Variants in LAMA2 observed in about 807,000 individuals in gnomAD.
LAMA2 encodes the protein laminin subunit alpha 2.
LAMA2 carries 269 observed loss-of-function variants against 364.8 expected under a neutral mutation model. That is an observed-to-expected ratio of 0.74 (90% confidence interval 0.67 to 0.82). The LOEUF (loss-of-function observed/expected upper bound fraction) is 0.82, where lower values mean the gene tolerates loss of function less well. Among genes scored for constraint, LAMA2 ranks in the 40% least tolerant of loss-of-function variants. LAMA2 has a pLI of 0.00. For missense variants in LAMA2, 3,807 were observed against 3,873.2 expected, an observed-to-expected ratio of 0.98 and a Z score of 0.45; for synonymous variants, 1,379 against 1,370.6, an observed-to-expected ratio of 1.01 and a Z score of -0.14.
intron 1 of LAMA2, among the ~76,000 whole-genome samples, chr6:128,942,548 G>T (rs959373638): frequency 1.3e-5 from 2 of 152,086 alleles, no homozygotes; most frequent in African/African-American, 4.8e-5. Context: ...AAAAGTATTT[G>T]TATGTGGGTC....
chr6:128,897,469 T>C (rs1251159462), intron 1 of LAMA2, among the ~76,000 whole-genome samples: 1 of 152,226 alleles, frequency 6.6e-6, no homozygotes, highest in Non-Finnish European at 1.5e-5. Flanking sequence ...GTGCTTTTTT[T>C]CTCTTTGTTG....
chr6:128,910,022 G>A (rs1474833089), intron 1 of LAMA2, among the ~76,000 whole-genome samples: 1 of 152,020 alleles, frequency 6.6e-6, no homozygotes, highest in South Asian at 2.1e-4. Context: ...AGTCTGATGG[G>A]CTTCCCTTCC....
chr6:129,403,691 A>G lies in LAMA2; in HGVS notation c.5727-130A>G. ...GGACAATATAATAAGTAGATACTTCACTATTATTTGGAATTGTCATAGATA... is the reference window on the plus strand; with the variant it reads ...GGACAATATAATAAGTAGATACTTCGCTATTATTTGGAATTGTCATAGATA... On this transcript the variant is annotated intron_variant, in intron 39 of 64. Transcript: ENST00000421865. 5 of 818,392 alleles carry G rather than the reference A, an allele frequency of 6.1e-6. No individual in the cohort carries two copies. The South Asian group carries it at 7.1e-5, about 12-fold the overall frequency. The allele number at this position is 818,392 out of a possible 1,614,324, so 50.7% of individuals were successfully genotyped here. A position where few individuals can be genotyped will look rare whatever the true frequency, so the allele number is the denominator to read the frequency against.
intron 33 of LAMA2, among the ~76,000 whole-genome samples, chr6:129,368,499 T>C (rs1339706420): frequency 6.6e-6 from 1 of 152,208 alleles, no homozygotes; most frequent in African/African-American, 2.4e-5. Flanking sequence ...ATGAAAAGAA[T>C]GCCGATCAGT....
At chr6:128,970,668 A>G (rs920165450) in intron 1 of LAMA2, among the ~76,000 whole-genome samples, 18 of 152,354 alleles carry the variant, frequency 1.2e-4, no homozygotes, top group African/African-American at 4.3e-4. Context: ...GTGGAAAATC[A>G]TATTCTAACT....
At chr6:129,269,989 T>G (rs1787805825) in intron 16 of LAMA2, among the ~76,000 whole-genome samples, 1 of 152,182 alleles carries the variant, frequency 6.6e-6, no homozygotes, top group African/African-American at 2.4e-5. Flanking sequence ...ATTTAGTTGA[T>G]GAAATTGGCA....
At chr6:129,319,824 A>T (rs1452988228) in intron 27 of LAMA2, among the ~76,000 whole-genome samples, 1 of 152,182 alleles carries the variant, frequency 6.6e-6, no homozygotes. Flanking sequence ...GCTAGAGAAA[A>T]GAAAATGTTA....
chr6:129,274,118 G>A (rs979400360), intron 17 of LAMA2, among the ~76,000 whole-genome samples: 5 of 147,856 alleles, frequency 3.4e-5, no homozygotes, highest in East Asian at 4.0e-4. Flanking sequence ...GGGTTATAAT[G>A]TCTTTTACAT....
At chr6:129,511,134 A>G (rs999022637) in intron 62 of LAMA2, among the ~76,000 whole-genome samples, 5 of 152,266 alleles carry the variant, frequency 3.3e-5, no homozygotes, top group Admixed American at 2.0e-4. Context: ...CCCTGAACAC[A>G]CAGTGTAATA....
chr6:129,110,306 A>G (rs1776074777), intron 4 of LAMA2, among the ~76,000 whole-genome samples: 1 of 152,066 alleles, frequency 6.6e-6, no homozygotes, highest in African/African-American at 2.4e-5. Flanking sequence ...TGATATTATA[A>G]GAAGCACTTC....
intron 22 of LAMA2, among the ~76,000 whole-genome samples, chr6:129,309,922 C>G (rs1562443450): frequency 7.5e-6 from 1 of 132,732 alleles, no homozygotes; most frequent in Non-Finnish European, 1.5e-5. Flanking sequence ...TTTTTTGAGA[C>G]GGAGTCTCGC....
intron 12 of LAMA2, among the ~76,000 whole-genome samples, chr6:129,235,356 T>A (rs1784916501): frequency 6.6e-6 from 1 of 152,162 alleles, no homozygotes; most frequent in Non-Finnish European, 1.5e-5. Context: ...CCCCTGTGTC[T>A]CCCTTCACTT....
intron 42 of LAMA2, 87 bp from the exon 43 acceptor site, chr6:129,440,729 C>T (rs1344031705): frequency 3.3e-6 from 4 of 1,195,398 alleles, no homozygotes; most frequent in Non-Finnish European, 5.0e-6. Context: ...CGAGGTCAGC[C>T]AGCCACAGCC....
At position 129,223,560 on chromosome 6, in the gene LAMA2, T is replaced by A. The variant is rs542833807; in HGVS notation, c.1783-26552T>A. Among the ~76,000 whole-genome samples the A allele has an allele frequency of 2.1e-3, 326 of 152,360 alleles. 2 individuals carry two copies. Among genetic ancestry groups the A allele is most frequent in the African/African-American group, 7.4e-3 (309 of 41,596 alleles). The stretch of plus-strand genomic sequence containing the variant: ...GGATCCAGTTTCAGCTTTCTACATA[T>A]GGCTAGCCAGTTTTCCCAGCACCAT... On this transcript the variant is annotated intron_variant, in intron 12 of 64. Coordinates refer to ENST00000421865, the MANE Select transcript of LAMA2 (RefSeq NM_000426.4).
chr6:129,079,249 T>A (rs1307417473), intron 3 of LAMA2, among the ~76,000 whole-genome samples: 1 of 150,026 alleles, frequency 6.7e-6, no homozygotes, highest in Non-Finnish European at 1.5e-5. Context: ...ACTTTTATTA[T>A]ATTATATTGT....
chr6:128,906,622 A>T (rs1250685284), intron 1 of LAMA2, among the ~76,000 whole-genome samples: 1 of 151,618 alleles, frequency 6.6e-6, no homozygotes, highest in East Asian at 1.9e-4. Context: ...TTTGCTGCAC[A>T]GAAGCTCTTT....
intron 53 of LAMA2, among the ~76,000 whole-genome samples, chr6:129,476,941 C>A (rs1182647359): frequency 1.3e-5 from 2 of 152,066 alleles, no homozygotes; most frequent in Non-Finnish European, 2.9e-5. Context: ...ATATACACTG[C>A]CAAGGTCTAA....
intron 4 of LAMA2, among the ~76,000 whole-genome samples, chr6:129,130,745 T>G (rs1428903797): frequency 6.6e-6 from 1 of 152,182 alleles, no homozygotes; most frequent in Non-Finnish European, 1.5e-5. Flanking sequence ...CATTACATAA[T>G]CATGACATCA....
In LAMA2 at chr6:129,336,945, T is replaced by G. The variant is rs144624234; in HGVS notation, c.4312-5398T>G. Reference sequence around the variant, plus strand: ...TCTAATGTGTTGGATGGTGGGAAAATATCCTGACAGATGATACTATGAATT... The same window carrying G: ...TCTAATGTGTTGGATGGTGGGAAAAGATCCTGACAGATGATACTATGAATT... On this transcript the variant is annotated intron_variant, in intron 29 of 64. Transcript: ENST00000421865. 6.0e-4 allele frequency among the ~76,000 whole-genome samples: 91 copies of G among 152,310 alleles called. 1 individual carries two copies. Among genetic ancestry groups the G allele is most frequent in the African/African-American group, 1.9e-3 (81 of 41,574 alleles).
Sources: allele counts gnomAD v4.1 joint callset (sites outside exome capture counted in the v4.1 genomes callset), GRCh38; gene constraint gnomAD v4.1.1; transcripts MANE v1.5; gene names NCBI Gene and HGNC (gene_info 2026-07-23, HGNC 2026-07-21).